FANK1: variants seen among roughly 807,000 people sequenced by gnomAD.
FANK1 encodes the protein fibronectin type III and ankyrin repeat domains 1, also known as fibronectin type 3 and ankyrin repeat domains protein 1.
A neutral mutation model predicts 45.3 loss-of-function variants in FANK1; 44 were observed. The ratio of observed to expected loss-of-function variants is 0.97; its 90% CI spans 0.76 to 1.25. The LOEUF is 1.25. Among genes scored for constraint, FANK1 ranks in the 50% most tolerant of loss-of-function variants. FANK1 has a pLI of 0.00. For missense variants in FANK1, 391 were observed against 424.4 expected, an observed-to-expected ratio of 0.92 and a Z score of 0.69; for synonymous variants, 149 against 152.5, an observed-to-expected ratio of 0.98 and a Z score of 0.17.
intron 1 of FANK1, among the ~76,000 whole-genome samples, chr10:125,915,494 C>T (rs1211201755): frequency 1.4e-4 from 21 of 152,158 alleles, no homozygotes; most frequent in South Asian, 6.2e-4. Flanking sequence ...ACTTCACATA[C>T]CATAAAACAG....
chr10:125,941,774 C>A (rs1419123368), intron 1 of FANK1, among the ~76,000 whole-genome samples: 1 of 152,208 alleles, frequency 6.6e-6, no homozygotes, highest in Non-Finnish European at 1.5e-5. Context: ...TTTAATAAAA[C>A]AAGTCTCAAA....
At chr10:125,924,742 G>A (rs1947217652) in intron 1 of FANK1, among the ~76,000 whole-genome samples, 1 of 149,438 alleles carries the variant, frequency 6.7e-6, no homozygotes, top group Non-Finnish European at 1.5e-5. Context: ...ACAGGAGGTG[G>A]AGGGTAGTAA....
chr10:125,990,991 G>A (rs532517318), intron 3 of FANK1, among the ~76,000 whole-genome samples: 1 of 152,288 alleles, frequency 6.6e-6, no homozygotes, highest in African/African-American at 2.4e-5. Flanking sequence ...CCACCCCCAT[G>A]ATTCAGTTAC....
chr10:125,991,883 C>A (rs1310501150), intron 3 of FANK1, among the ~76,000 whole-genome samples: 2 of 152,186 alleles, frequency 1.3e-5, no homozygotes, highest in East Asian at 3.9e-4. Flanking sequence ...TCTTAGAGAA[C>A]ATGAGCGATG....
intron 7 of FANK1, among the ~76,000 whole-genome samples, chr10:126,007,688 C>CAT (rs59407326): frequency 0.63 from 95,927 of 151,882 alleles, 30,974 homozygotes; most frequent in East Asian, 0.77. Context: ...TGCGTGTGTG[C>CAT]ACACACGAGT....
Position 125,909,932 on chromosome 10 carries a change from G to A in FANK1, c.13+13277G>A, listed in dbSNP as rs551025566. ...CACATCCCACAAGTTTTCTACTTTTGTAAAATTGTATTGAAGTATAATATA... is the reference window on the plus strand; with the variant it reads ...CACATCCCACAAGTTTTCTACTTTTATAAAATTGTATTGAAGTATAATATA... On this transcript the variant is annotated intron_variant, in intron 1 of 10. Coordinates refer to ENST00000368693, the MANE Select transcript of FANK1 (RefSeq NM_145235.5). 2.8e-4 allele frequency among the ~76,000 whole-genome samples: 43 copies of A among 151,546 alleles called. No individual in the cohort carries two copies. In the South Asian group the frequency reaches 8.5e-3, roughly 30 times the overall value.
intron 7 of FANK1, among the ~76,000 whole-genome samples, chr10:126,007,733 C>T (rs1370692758): frequency 1.3e-5 from 2 of 152,190 alleles, no homozygotes; most frequent in African/African-American, 2.4e-5. Flanking sequence ...ACGTATCTGT[C>T]TTTACTTCAG....
At chr10:125,957,954 C>A (rs1308242109) in intron 1 of FANK1, among the ~76,000 whole-genome samples, 3 of 151,502 alleles carry the variant, frequency 2.0e-5, no homozygotes, top group Non-Finnish European at 2.9e-5. Flanking sequence ...CTTTTTTGGC[C>A]CATATTTATG....
chr10:125,919,625 T>A (rs1946799053), intron 1 of FANK1, among the ~76,000 whole-genome samples: 3 of 152,126 alleles, frequency 2.0e-5, no homozygotes, highest in Admixed American at 6.5e-5. Context: ...TGGTTGCTGT[T>A]ATTCTGTTGA....
chr10:125,934,890 C>T (rs984686405), intron 1 of FANK1, among the ~76,000 whole-genome samples: 3 of 151,968 alleles, frequency 2.0e-5, no homozygotes, highest in Non-Finnish European at 2.9e-5. Context: ...TGCTGCTGCT[C>T]GGGAGCAGCT....
At chr10:125,962,553 A>G (rs1297564800) in intron 1 of FANK1, among the ~76,000 whole-genome samples, 1 of 151,964 alleles carries the variant, frequency 6.6e-6, no homozygotes, top group Non-Finnish European at 1.5e-5. Flanking sequence ...TAAAATTGCT[A>G]TTTCTTTTCA....
intron 1 of FANK1, among the ~76,000 whole-genome samples, chr10:125,897,373 T>C (rs1944634226): frequency 6.6e-6 from 1 of 152,426 alleles, no homozygotes; most frequent in African/African-American, 2.4e-5. Context: ...GGGACTTTGT[T>C]TCAAGGCCTT....
At position 125,983,858 on chromosome 10, in the gene FANK1, C is replaced by A. The variant is rs537439933; in HGVS notation, c.191+3520C>A. ...GAGGTGTGATCCGGCTTATGTTTTACGAGGATCCCTCTGGCTGCTGAGTTG... is the reference window on the plus strand; with the variant it reads ...GAGGTGTGATCCGGCTTATGTTTTAAGAGGATCCCTCTGGCTGCTGAGTTG... On this transcript the variant is annotated intron_variant, in intron 2 of 10. Transcript: ENST00000368693. This position sits in a 1 kb window ranked among gnomAD's most constrained non-coding sequence, Gnocchi z 4.3. 2.0e-5 allele frequency among the ~76,000 whole-genome samples: 3 copies of A among 151,996 alleles called. No individual in the cohort carries two copies. The highest frequency in any genetic ancestry group is 7.3e-5 in the African/African-American group (3 of 41,368).
At chr10:125,944,234 ATTTAC>A (rs755926671) in intron 1 of FANK1, among the ~76,000 whole-genome samples, 1 of 152,124 alleles carries the variant, frequency 6.6e-6, no homozygotes, top group Non-Finnish European at 1.5e-5. Flanking sequence ...TGTTTGGTTT[ATTTAC>A]TTATTTGAGT....
In FANK1 at chr10:125,997,795, G is replaced by A. The variant is rs142153832; in HGVS notation, c.539+310G>A. Among the ~76,000 whole-genome samples the A allele has an allele frequency of 3.4e-4, 52 of 152,372 alleles. No individual in the cohort carries two copies. In the East Asian group the frequency reaches 8.5e-3, roughly 25 times the overall value. ...AGCTACAGAGCAGCTCTCGCCATCC[G>A]CGCTGGGCGTGGGTGCAAGCGCCTG... is the stretch of plus-strand genomic sequence containing the variant. On this transcript the variant is annotated intron_variant, in intron 6 of 10. Coordinates refer to ENST00000368693, the MANE Select transcript of FANK1 (RefSeq NM_145235.5).
At chr10:125,981,703 G>A (rs1203098853) in intron 2 of FANK1, among the ~76,000 whole-genome samples, 2 of 152,084 alleles carry the variant, frequency 1.3e-5, no homozygotes, top group African/African-American at 4.8e-5. Flanking sequence ...TTGTAAGAAA[G>A]AGTGATTGTA....
chr10:125,943,504 CTCT>C (rs1948584607), intron 1 of FANK1, among the ~76,000 whole-genome samples: 3 of 152,200 alleles, frequency 2.0e-5, no homozygotes. Flanking sequence ...CTCCCTTTTC[CTCT>C]TCTTCCAGCC....
intron 1 of FANK1, among the ~76,000 whole-genome samples, chr10:125,953,173 C>T (rs1949362558): frequency 6.6e-6 from 1 of 152,180 alleles, no homozygotes; most frequent in Non-Finnish European, 1.5e-5. Flanking sequence ...AGTGATAAGC[C>T]AGGAACCCTG....
intron 3 of FANK1, chr10:125,989,235 G>A (rs1446515354): frequency 1.4e-5 from 21 of 1,523,664 alleles, no homozygotes; most frequent in Non-Finnish European, 1.7e-5. Context: ...GGTTGTTTCT[G>A]AGATTGGTAT....
Sources: allele counts gnomAD v4.1 joint callset (sites outside exome capture counted in the v4.1 genomes callset), GRCh38; gene constraint gnomAD v4.1.1; non-coding constraint Gnocchi (gnomAD v3.1); transcripts MANE v1.5; gene names NCBI Gene and HGNC (gene_info 2026-07-23, HGNC 2026-07-21).